The following AGTR1 variants were observed in gnomAD, a reference collection of about 807,000 sequenced individuals.
The protein encoded by AGTR1 is angiotensin II receptor type 1, also known as type-1 angiotensin II receptor.
Under a neutral mutation model 19.4 loss-of-function variants are expected in AGTR1, and 16 were observed. The ratio of observed to expected loss-of-function variants is 0.82; its 90% CI spans 0.56 to 1.25. The LOEUF is 1.25. AGTR1 is among the 50% of genes most tolerant of loss of function. AGTR1 has a pLI of 0.00. For missense variants in AGTR1, 373 were observed against 431.9 expected (o/e 0.86, Z 1.21); for synonymous variants, 153 against 154.9 (o/e 0.99, Z 0.09).
chr3:148,741,611 G>T lies in AGTR1; in HGVS notation c.576G>T (p.Pro192=). The T allele has an allele frequency of 3.7e-6, 6 of 1,614,028 alleles. No individual in the cohort carries two copies. Among genetic ancestry groups the T allele is most frequent in the Admixed American group, 1.7e-5 (1 of 60,004 alleles). Residue 192 remains proline (P), a synonymous_variant, in exon 3 of 3, where the codon CCG becomes CCT. Coordinates refer to ENST00000349243, the MANE Select transcript of AGTR1 (RefSeq NM_000685.5). ...ATGAGTCCCAAAATTCAACCCTCCC[G>T]ATAGGGCTGGGCCTGACCAAAAATA... ...FHYESQNSTL[P]IGLGLTKNIL...
intron 2 of AGTR1, among the ~76,000 whole-genome samples, chr3:148,722,165 C>G (rs1713675220): frequency 6.6e-6 from 1 of 152,072 alleles, no homozygotes; most frequent in Non-Finnish European, 1.5e-5. Flanking sequence ...TGCGAAGAAG[C>G]TGGAAAGTAC....
intron 2 of AGTR1, among the ~76,000 whole-genome samples, chr3:148,726,934 C>A (rs1476114357): frequency 6.6e-6 from 1 of 152,176 alleles, no homozygotes; most frequent in African/African-American, 2.4e-5. Flanking sequence ...ATAATTTCCA[C>A]TGATTTAGCT....
At chr3:148,733,096 G>A (rs1714380083) in intron 2 of AGTR1, among the ~76,000 whole-genome samples, 1 of 152,096 alleles carries the variant, frequency 6.6e-6, no homozygotes, top group East Asian at 1.9e-4. Context: ...GTCCAGGGAA[G>A]CTAAATGACT....
chr3:148,719,839 C>T (rs1713522568), intron 2 of AGTR1, among the ~76,000 whole-genome samples: 1 of 152,306 alleles, frequency 6.6e-6, no homozygotes, highest in Middle Eastern at 3.4e-3. Context: ...AGCAGCAAGC[C>T]GGTTCTATGA....
At chr3:148,739,797 C>T in intron 2 of AGTR1, 1 of 1,231,602 alleles carries the variant, frequency 8.1e-7, no homozygotes, top group Non-Finnish European at 1.0e-6. Context: ...TCTTTTTCCC[C>T]AGGGCATGCC....
intron 2 of AGTR1, among the ~76,000 whole-genome samples, chr3:148,728,057 A>T (rs566152542): frequency 1.3e-5 from 2 of 152,308 alleles, no homozygotes; most frequent in African/African-American, 4.8e-5. Context: ...GTCTCGAGAC[A>T]TTGCCAAATA....
chr3:148,727,763 G>A (rs547637751), intron 2 of AGTR1, among the ~76,000 whole-genome samples: 4 of 152,178 alleles, frequency 2.6e-5, no homozygotes, highest in South Asian at 2.1e-4. Context: ...AGTTTTCCCC[G>A]GAAGATATAA....
chr3:148,712,447 C>T (rs1292669990), intron 2 of AGTR1, among the ~76,000 whole-genome samples: 1 of 152,114 alleles, frequency 6.6e-6, no homozygotes, highest in Non-Finnish European at 1.5e-5. Flanking sequence ...GGCCAAAATA[C>T]TTCTGCACAC....
intron 2 of AGTR1, among the ~76,000 whole-genome samples, chr3:148,729,465 G>A (rs896641329): frequency 1.3e-5 from 2 of 152,172 alleles, no homozygotes; most frequent in Admixed American, 6.5e-5. Context: ...GAAAGAGTTC[G>A]TTTTTAACTT....
chr3:148,709,041 T>C (rs1039592356), intron 2 of AGTR1, among the ~76,000 whole-genome samples: 1 of 152,210 alleles, frequency 6.6e-6, no homozygotes, highest in Non-Finnish European at 1.5e-5. Context: ...ATGCCTTTAA[T>C]CTTGGAGATA....
intron 2 of AGTR1, among the ~76,000 whole-genome samples, chr3:148,718,557 G>A (rs1401502586): frequency 6.6e-6 from 1 of 152,138 alleles, no homozygotes; most frequent in African/African-American, 2.4e-5. Context: ...TTGCAGTATA[G>A]GCCACCAGCA....
intron 2 of AGTR1, among the ~76,000 whole-genome samples, chr3:148,708,699 C>T (rs1013717840): frequency 6.6e-6 from 1 of 152,180 alleles, no homozygotes; most frequent in African/African-American, 2.4e-5. Context: ...GTCTATCTAA[C>T]TCTTCTTACA....
chr3:148,732,223 C>T (rs991121163), intron 2 of AGTR1, among the ~76,000 whole-genome samples: 5 of 152,220 alleles, frequency 3.3e-5, no homozygotes, highest in African/African-American at 1.2e-4. Flanking sequence ...AAACTGTACT[C>T]TTTGACTTGG....
In AGTR1 at chr3:148,697,984, G is replaced by C. The variant is rs1576519606; in HGVS notation, c.-275G>C. ...CCGGCGCGCCGCTAGCAGCTCTGCC[G>C]GGCCGCGGCGGTGATCGATGGGGAG... On this transcript the variant is annotated 5_prime_UTR_variant, in exon 1 of 3. Coordinates refer to ENST00000349243, the MANE Select transcript of AGTR1 (RefSeq NM_000685.5). 3 of 152,418 alleles carry C rather than the reference G, an allele frequency of 2.0e-5. No individual in the cohort carries two copies. The highest frequency in any genetic ancestry group is 7.2e-5 in the African/African-American group (3 of 41,584). The allele number at this position is 152,418 out of a possible 1,614,324, so 9.4% of individuals were successfully genotyped here.
intron 2 of AGTR1, among the ~76,000 whole-genome samples, chr3:148,725,802 C>A (rs1437779835): frequency 3.3e-5 from 5 of 152,124 alleles, no homozygotes; most frequent in African/African-American, 1.2e-4. Context: ...TTCTCCCTGA[C>A]CTGTGAGACT....
chr3:148,702,042 A>G lies in AGTR1; in HGVS notation c.-132+3915A>G, dbSNP rs12695870. ...GCCCAGGCTGGCGTGCAGTGGCATG[A>G]TCTCGGCTCACTGCAACCTCTGCCT... On this transcript the variant is annotated intron_variant, in intron 1 of 2. Coordinates refer to ENST00000349243, the MANE Select transcript of AGTR1 (RefSeq NM_000685.5). Among the ~76,000 whole-genome samples the G allele has an allele frequency of 5.9e-3, 861 of 145,178 alleles. 7 individuals are homozygous for G. The highest frequency in any genetic ancestry group is 0.022 in the African/African-American group (833 of 38,342).
chr3:148,712,897 T>A (rs987795488), intron 2 of AGTR1, among the ~76,000 whole-genome samples: 13 of 152,232 alleles, frequency 8.5e-5, no homozygotes, highest in African/African-American at 3.1e-4. Context: ...CTGGAAATGA[T>A]CCTGTGAAAA....
intron 1 of AGTR1, among the ~76,000 whole-genome samples, chr3:148,701,790 A>G (rs1458010683): frequency 6.6e-6 from 1 of 152,156 alleles, no homozygotes; most frequent in Admixed American, 6.5e-5. Context: ...TAAAACTTAA[A>G]ATCATAGAAT....
intron 2 of AGTR1, among the ~76,000 whole-genome samples, chr3:148,726,413 T>C (rs1203283645): frequency 1.3e-5 from 2 of 152,270 alleles, no homozygotes; most frequent in East Asian, 1.9e-4. Context: ...TTCACCATGC[T>C]GGCCAGGCTG....
Sources: gnomAD v4.1 joint callset for allele counts (sites outside exome capture counted in the v4.1 genomes callset) on GRCh38, gnomAD v4.1.1 for gene constraint, MANE v1.5 for transcripts, NCBI Gene and HGNC (gene_info 2026-07-23, HGNC 2026-07-21) for gene names.